Variants in PCDH15 observed in about 807,000 individuals in gnomAD.
The protein encoded by PCDH15 is protocadherin related 15, also known as protocadherin-15.
PCDH15 carries 129 observed loss-of-function variants against 178.5 expected under a neutral mutation model. The ratio of observed to expected loss-of-function variants is 0.72; its 90% CI spans 0.63 to 0.84. PCDH15 has a LOEUF of 0.84. PCDH15 is among the 40% of genes least tolerant of loss of function. The pLI is 0.00. For missense variants in PCDH15, 2,230 were observed against 2,099.9 expected, an observed-to-expected ratio of 1.06 and a Z score of -1.21; for synonymous variants, 800 against 732.0, an observed-to-expected ratio of 1.09 and a Z score of -1.50.
At chr10:55,585,401 G>A (rs1200451206) in intron 2 of PCDH15, among the ~76,000 whole-genome samples, 5 of 152,074 alleles carry the variant, frequency 3.3e-5, no homozygotes, top group Admixed American at 1.3e-4. Context: ...TTTTCTGGCC[G>A]GGCGCGTTGG....
intron 3 of PCDH15, among the ~76,000 whole-genome samples, chr10:54,461,303 T>C (rs939692088): frequency 6.6e-6 from 1 of 152,144 alleles, no homozygotes; most frequent in African/African-American, 2.4e-5. Context: ...TTATGCACAA[T>C]AGCCTATCTT....
At chr10:55,619,050 T>G (rs79978633) in intron 2 of PCDH15, among the ~76,000 whole-genome samples, 14,465 of 152,014 alleles carry the variant, frequency 0.095, 1,430 homozygotes, top group East Asian at 0.31. Flanking sequence ...GTGTCAACAC[T>G]GTACTGTGAA....
chr10:54,809,271 C>A (rs1178518150), intron 3 of PCDH15, among the ~76,000 whole-genome samples: 2 of 152,026 alleles, frequency 1.3e-5, no homozygotes, highest in East Asian at 3.9e-4. Context: ...TTTGGGTTTA[C>A]TTAAATTTAT....
chr10:54,625,959 G>A (rs1050446552), intron 2 of PCDH15, among the ~76,000 whole-genome samples: 8 of 152,124 alleles, frequency 5.3e-5, no homozygotes, highest in Admixed American at 6.5e-5. Context: ...AGGCTGAGGT[G>A]GTCTCAGTTG....
chr10:54,760,513 C>T lies in PCDH15; in HGVS notation c.-29+40412G>A, dbSNP rs138762302. Among the ~76,000 whole-genome samples the T allele has an allele frequency of 1.9e-3, 294 of 152,224 alleles. 2 individuals carry two copies. Among genetic ancestry groups the T allele is most frequent in the African/African-American group, 6.8e-3 (284 of 41,520 alleles). On this transcript the variant is annotated intron_variant, in intron 1 of 37. Transcript: ENST00000644397. ...ACTAAATATCTTATTCAAATTAACT[C>T]AAATCTGAGTGCAAATGTGGAAGTA...
intron 15 of PCDH15, among the ~76,000 whole-genome samples, chr10:54,117,988 C>A (rs1267046382): frequency 6.6e-6 from 1 of 152,158 alleles, no homozygotes; most frequent in African/African-American, 2.4e-5. Flanking sequence ...GCTGGGCCCC[C>A]AGGCTATTAC....
chr10:55,068,301 T>C (rs1841620337), intron 2 of PCDH15, among the ~76,000 whole-genome samples: 1 of 152,102 alleles, frequency 6.6e-6, no homozygotes, highest in South Asian at 2.1e-4. Context: ...AGGGGTCTAG[T>C]TTTATTCTTC....
intron 2 of PCDH15, among the ~76,000 whole-genome samples, chr10:55,007,889 AC>A (rs1318058656): frequency 1.3e-5 from 2 of 152,188 alleles, no homozygotes; most frequent in Non-Finnish European, 2.9e-5. Flanking sequence ...AAAACTAAAT[AC>A]AAAAACCTGC....
chr10:54,854,445 C>T (rs777310534), intron 3 of PCDH15, among the ~76,000 whole-genome samples: 5 of 152,146 alleles, frequency 3.3e-5, no homozygotes, highest in Non-Finnish European at 7.4e-5. Context: ...GAATGAGGTA[C>T]ATAGACAACT....
intron 2 of PCDH15, among the ~76,000 whole-genome samples, chr10:54,581,898 T>C (rs1015366130): frequency 1.3e-5 from 2 of 152,082 alleles, no homozygotes; most frequent in Admixed American, 6.6e-5. Flanking sequence ...CCTTTCACCA[T>C]ATAATAAATT....
At chr10:54,608,929 A>T (rs1330898279) in intron 2 of PCDH15, among the ~76,000 whole-genome samples, 1 of 152,110 alleles carries the variant, frequency 6.6e-6, no homozygotes, top group Non-Finnish European at 1.5e-5. Flanking sequence ...ATCATACCCA[A>T]ATTTTTAGAC....
chr10:54,229,308 G>C (rs908398440), intron 9 of PCDH15, among the ~76,000 whole-genome samples: 1 of 152,120 alleles, frequency 6.6e-6, no homozygotes, highest in African/African-American at 2.4e-5. Context: ...CATTTTCTAT[G>C]TGATATATGA....
chr10:55,024,632 A>G (rs887670613), intron 2 of PCDH15, among the ~76,000 whole-genome samples: 6 of 151,918 alleles, frequency 3.9e-5, no homozygotes, highest in African/African-American at 1.5e-4. Context: ...TCCTCTATGT[A>G]CCCCATCTCA....
chr10:53,816,701 C>T (rs982386622), intron 34 of PCDH15, among the ~76,000 whole-genome samples: 6 of 152,162 alleles, frequency 3.9e-5, no homozygotes, highest in Non-Finnish European at 7.4e-5. Flanking sequence ...TGATAAGATT[C>T]ATTGGGAAGA....
chr10:54,673,944 G>A (rs959394895), intron 1 of PCDH15, among the ~76,000 whole-genome samples: 3 of 152,084 alleles, frequency 2.0e-5, no homozygotes, highest in African/African-American at 7.2e-5. Context: ...CAGGTGACAT[G>A]TTTAAGTAGA....
chr10:54,892,968 G>T (rs1454200441), intron 3 of PCDH15, among the ~76,000 whole-genome samples: 1 of 151,904 alleles, frequency 6.6e-6, no homozygotes, highest in African/African-American at 2.4e-5. Flanking sequence ...AATGAGAAAT[G>T]TAATATAATA....
intron 2 of PCDH15, among the ~76,000 whole-genome samples, chr10:55,562,783 G>A (rs757172607): frequency 2.6e-5 from 4 of 151,950 alleles, no homozygotes; most frequent in Non-Finnish European, 4.4e-5. Flanking sequence ...GATAGACAGT[G>A]ATGTCATTCA....
chr10:53,913,760 A>C (rs1408740166), intron 25 of PCDH15, among the ~76,000 whole-genome samples: 4 of 151,760 alleles, frequency 2.6e-5, no homozygotes, highest in African/African-American at 4.8e-5. Flanking sequence ...AAACCAAAAA[A>C]CAAAAAACAA....
At chr10:54,606,100 C>T (rs2092728412) in intron 2 of PCDH15, 1 of 152,128 alleles carries the variant, frequency 6.6e-6, no homozygotes, top group Non-Finnish European at 1.5e-5. Flanking sequence ...GAAGCCAGAC[C>T]TCAGGTAGGA....
Sources: allele counts gnomAD v4.1 joint callset (sites outside exome capture counted in the v4.1 genomes callset), GRCh38; gene constraint gnomAD v4.1.1; transcripts MANE v1.5; gene names NCBI Gene and HGNC (gene_info 2026-07-23, HGNC 2026-07-21).